TSNAXIP1: variants seen among roughly 807,000 people sequenced by gnomAD.
The protein encoded by TSNAXIP1 is translin associated factor X interacting protein 1, also known as translin-associated factor X-interacting protein 1.
TSNAXIP1 carries 89 observed loss-of-function variants against 84.8 expected under a neutral mutation model. The observed-to-expected ratio is 1.05, with a 90% CI of 0.88 to 1.25. The LOEUF (loss-of-function observed/expected upper bound fraction) is 1.25. TSNAXIP1 is among the 50% of genes most tolerant of loss of function. TSNAXIP1 has a pLI of 0.00. For synonymous variants in TSNAXIP1, 347 were observed against 335.2 expected (o/e 1.04, Z -0.39); for missense variants, 874 against 887.6 (o/e 0.98, Z 0.20).
intron 2 of TSNAXIP1, among the ~76,000 whole-genome samples, chr16:67,819,957 T>C (rs544229546): frequency 2.6e-5 from 4 of 151,894 alleles, no homozygotes; most frequent in Non-Finnish European, 4.4e-5. Flanking sequence ...TAGCTGGGAC[T>C]ACAGGTGTCC....
chr16:67,822,033 G>C (rs1264046330), intron 4 of TSNAXIP1, among the ~76,000 whole-genome samples: 2 of 151,246 alleles, frequency 1.3e-5, no homozygotes, highest in African/African-American at 2.4e-5. Context: ...AATCCCAGCA[G>C]TTTGGGAGGC....
intron 2 of TSNAXIP1, among the ~76,000 whole-genome samples, chr16:67,816,419 G>A (rs1289209947): frequency 6.6e-6 from 1 of 152,194 alleles, no homozygotes; most frequent in Non-Finnish European, 1.5e-5. Context: ...AGCATGGGCT[G>A]TATGGTGGTT....
At position 67,826,207 on chromosome 16, in the gene TSNAXIP1, C is replaced by T. The variant is rs767844378; in HGVS notation, c.1200C>T (p.Ser400=). ...RWQMLAEGKN[S]DQLVDVLLEE... ...AGATGCTGGCTGAGGGCAAGAACAG[C>T]GACCAGCTGGTGGACGTGCTCCTGG... The change falls in exon 10 of 16, where the codon AGC becomes AGT. Residue 400 remains serine (S), a synonymous_variant. Transcript: ENST00000561639. The T allele has an allele frequency of 3.2e-5, 51 of 1,608,650 alleles. No homozygotes were observed. Among genetic ancestry groups the T allele is most frequent in the East Asian group, 2.2e-4 (10 of 44,800 alleles).
rs373723111 is a variant in TSNAXIP1 at position 67,826,691 on chromosome 16, G to C, written c.1402-1G>C. ...GACTGAGCATTTCCTCGATCCCGCA[G>C]AAAGAGACGTTCCCAGATTTCTTCT... On this transcript the variant is annotated splice_acceptor_variant, in intron 11 of 15. Transcript: ENST00000561639. LOFTEE classifies it high-confidence loss of function. The C allele has an allele frequency of 5.6e-6, 9 of 1,613,296 alleles. No individual in the cohort carries two copies. The African/African-American group carries it at 1.2e-4, about 22-fold the overall frequency.
chr16:67,820,064 C>T lies in TSNAXIP1; in HGVS notation c.148-775C>T, dbSNP rs534027893. Among the ~76,000 whole-genome samples, 4 of 152,012 alleles carry T rather than the reference C, an allele frequency of 2.6e-5. 1 individual carries two copies. In the South Asian group the frequency reaches 6.3e-4, roughly 24 times the overall value. On this transcript the variant is annotated intron_variant, in intron 2 of 15. Transcript: ENST00000561639. The stretch of plus-strand genomic sequence containing the variant: ...CGATCTCCTGACCTCGTGATCCATC[C>T]GCCTTGGCCTTGCAAAGTGCTGGGA...
In TSNAXIP1 at chr16:67,826,985, C is replaced by T; in HGVS notation, c.1577C>T (p.Thr526Ile). The T allele has an allele frequency of 1.2e-6, 2 of 1,614,148 alleles. No individual in the cohort carries two copies. ...MGKRSENVYV[T>I]QKETVAQLLK... is the part of the protein sequence containing the mutation. ...TAGCGGAGTGAGAATGTGTATGTCA[C>T]CCAGAAGGAGACAGTAGCCCAGCTG... The change falls in exon 13 of 16, where the codon ACC becomes ATC. Residue 526 changes from threonine (T) to isoleucine (I), a missense_variant. By Grantham distance (89) the Thr-to-Ile change is moderately conservative. Transcript: ENST00000561639.
Position 67,827,253 on chromosome 16 carries a change from GTCC to G in TSNAXIP1, c.1672_1674del (p.Leu558del), listed in dbSNP as rs1183348291. ...GCCCTCATGTCTCCCCTACAGCACT[GTCC>G]TCAAGAGTACCTTCCCTCTCAAGAC... On this transcript the variant is annotated inframe_deletion, in exon 14 of 16. Transcript: ENST00000561639. 6.2e-7 allele frequency: 1 copy of G among 1,614,172 alleles called. No homozygotes were observed. Among genetic ancestry groups the G allele is most frequent in the African/African-American group, 1.3e-5 (1 of 75,050 alleles).
chr16:67,822,327 A>G (rs1176370659), intron 4 of TSNAXIP1, among the ~76,000 whole-genome samples: 2 of 151,922 alleles, frequency 1.3e-5, no homozygotes, highest in African/African-American at 2.4e-5. Context: ...CAAGGCTGCA[A>G]TGTGGATCCA....
chr16:67,807,145 G>C lies in TSNAXIP1; in HGVS notation c.-5G>C. The C allele has an allele frequency of 1.3e-6, 2 of 1,535,296 alleles. No individual in the cohort carries two copies. Among genetic ancestry groups the C allele is most frequent in the South Asian group, 2.4e-5 (2 of 84,014 alleles). ...GGGTGCTGATTGCCCGCCTGCCCGTGGGTCATGGCCTGCCAGCAGTCGCGG... is the reference window on the plus strand; with the variant it reads ...GGGTGCTGATTGCCCGCCTGCCCGTCGGTCATGGCCTGCCAGCAGTCGCGG... On this transcript the variant is annotated 5_prime_UTR_variant, in exon 1 of 16. Transcript: ENST00000561639.
intron 1 of TSNAXIP1, among the ~76,000 whole-genome samples, chr16:67,809,294 C>T (rs931043716): frequency 6.8e-6 from 1 of 147,930 alleles, no homozygotes; most frequent in African/African-American, 2.5e-5. Context: ...ATGGTAAAAC[C>T]TTGTCTCTAC....
At chr16:67,819,645 CT>C (rs886107623) in intron 2 of TSNAXIP1, among the ~76,000 whole-genome samples, 1,364 of 132,446 alleles carry the variant, frequency 0.01, 7 homozygotes, top group African/African-American at 0.021. Flanking sequence ...TGCTTTCCCT[CT>C]TTTTTTTTTT....
rs1289189068 is a variant in TSNAXIP1 at position 67,827,539 on chromosome 16, G to C, written c.1858G>C (p.Glu620Gln). 15 of 1,614,194 alleles carry C rather than the reference G, an allele frequency of 9.3e-6. No homozygotes were observed. The highest frequency in any genetic ancestry group is 1.2e-5 in the Non-Finnish European group (14 of 1,180,040). ...LWEQYMDEKD[E>Q]YLQQLKQELG... ...GGAACAATACATGGATGAGAAGGAC[G>C]AGTACTTACAGCAGCTAAAGCAGGA... Residue 620 changes from glutamate to glutamine, a missense_variant, in exon 15 of 16, where the codon GAG becomes CAG. By Grantham distance (29) the Glu-to-Gln change is conservative. Transcript: ENST00000561639.
In TSNAXIP1 at chr16:67,821,109, C is replaced by G; in HGVS notation, c.271C>G (p.Gln91Glu). The change falls in exon 4 of 16, where the codon CAG becomes GAG. Residue 91 changes from glutamine to glutamate, a missense_variant. Physicochemically the swap from Gln to Glu is conservative, Grantham distance 29. Coordinates refer to ENST00000561639, the MANE Select transcript of TSNAXIP1 (RefSeq NM_001288990.3). Reference sequence around the variant, plus strand: ...CACTGTCCCCTGCAGGAGCTGCCAGCAGCACCCCTTTCGCACTGCCAAGCC... The same window carrying G: ...CACTGTCCCCTGCAGGAGCTGCCAGGAGCACCCCTTTCGCACTGCCAAGCC... ...DYRKRVGSCQ[Q>E]HPFRTAKPQY... 1.2e-6 allele frequency: 2 copies of G among 1,613,372 alleles called. No individual in the cohort carries two copies. Among genetic ancestry groups the G allele is most frequent in the Non-Finnish European group, 8.5e-7 (1 of 1,179,752 alleles).
chr16:67,812,295 T>C (rs2056154351), intron 1 of TSNAXIP1, among the ~76,000 whole-genome samples: 1 of 152,154 alleles, frequency 6.6e-6, no homozygotes, highest in South Asian at 2.1e-4. Flanking sequence ...CTTTTCCTGT[T>C]CTACTGTCAT....
rs760554977 is a variant in TSNAXIP1 at position 67,807,198 on chromosome 16, T to A, written c.47+2T>A. 3.9e-6 allele frequency: 6 copies of A among 1,535,788 alleles called. No homozygotes were observed. Among genetic ancestry groups the A allele is most frequent in the Non-Finnish European group, 3.5e-6 (4 of 1,146,860 alleles). Reference sequence around the variant, plus strand: ...CCACAGCTTCTCGTCCGCGTCGAGGTAGGCGCTGGCAGGGATGAGGGCAGA... The same window carrying A: ...CCACAGCTTCTCGTCCGCGTCGAGGAAGGCGCTGGCAGGGATGAGGGCAGA... On this transcript the variant is annotated splice_donor_variant, in intron 1 of 15. Coordinates refer to ENST00000561639, the MANE Select transcript of TSNAXIP1 (RefSeq NM_001288990.3). LOFTEE classifies it high-confidence loss of function.
At chr16:67,827,657 C>T in intron 15 of TSNAXIP1, 78 bp downstream of exon 15, 1 of 1,610,518 alleles carries the variant, frequency 6.2e-7, no homozygotes, top group East Asian at 2.2e-5. Flanking sequence ...CACCATGCAC[C>T]ATCCACTGCT....
At chr16:67,807,527 C>A in intron 1 of TSNAXIP1, 1 of 689,972 alleles carries the variant, frequency 1.4e-6, no homozygotes. Flanking sequence ...TGCAGTGGCA[C>A]TACTACGGCT....
rs767044163 is a variant in TSNAXIP1 at position 67,820,325 on chromosome 16, C to T, written c.148-514C>T. Reference sequence around the variant, plus strand: ...ACTACCATCATCCCTATTTTACAGACGTGAGAACTAAGGCTCAGAGAAGTT... The same window carrying T: ...ACTACCATCATCCCTATTTTACAGATGTGAGAACTAAGGCTCAGAGAAGTT... On this transcript the variant is annotated intron_variant, in intron 2 of 15. Transcript: ENST00000561639. 4.6e-5 allele frequency among the ~76,000 whole-genome samples: 7 copies of T among 152,272 alleles called. No individual in the cohort carries two copies. In the East Asian group the frequency reaches 5.8e-4, roughly 13 times the overall value.
chr16:67,811,920 A>C (rs2056119628), intron 1 of TSNAXIP1, among the ~76,000 whole-genome samples: 2 of 152,156 alleles, frequency 1.3e-5, no homozygotes, highest in African/African-American at 4.8e-5. Flanking sequence ...TCCAATGTTG[A>C]GAAGCAATAG....
Sources: gnomAD v4.1 joint callset for allele counts (sites outside exome capture counted in the v4.1 genomes callset) on GRCh38, gnomAD v4.1.1 for gene constraint, MANE v1.5 for transcripts, NCBI Gene and HGNC (gene_info 2026-07-23, HGNC 2026-07-21) for gene names.